Variants in BICRA observed in about 807,000 individuals in gnomAD.
The protein encoded by BICRA is BRD4-interacting chromatin-remodeling complex-associated protein.
A neutral mutation model predicts 96.9 loss-of-function variants in BICRA; 31 were observed. The observed-to-expected ratio is 0.32, with a 90% CI of 0.24 to 0.43. The LOEUF (loss-of-function observed/expected upper bound fraction) is 0.43. Among genes scored for constraint, BICRA ranks in the 20% least tolerant of loss-of-function variants. The pLI is 1.00. For missense variants in BICRA, 2,283 were observed against 2,190.3 expected, an observed-to-expected ratio of 1.04 and a Z score of -0.84; for synonymous variants, 1,350 against 1,071.8, an observed-to-expected ratio of 1.26 and a Z score of -5.07.
rs778607810 is a variant in BICRA, at chr19:47,680,097, C to T, written c.927C>T (p.Gly309=). Reference sequence around the variant, plus strand: ...TCAATGGGAACTCTGTGTTCGGAGGCGCGGGGGCCGCCTCGGCTCCCACCG... The same window carrying T: ...TCAATGGGAACTCTGTGTTCGGAGGTGCGGGGGCCGCCTCGGCTCCCACCG... ...TTLNGNSVFG[G]AGAASAPTGT... The change falls in exon 6 of 15, where the codon GGC becomes GGT. Residue 309 remains glycine, a synonymous_variant. Coordinates refer to ENST00000594866, the MANE Select transcript of BICRA (RefSeq NM_001394372.1). 5.8e-6 allele frequency: 9 copies of T among 1,548,018 alleles called. No individual in the cohort carries two copies. The highest frequency in any genetic ancestry group is 7.8e-6 in the Non-Finnish European group (9 of 1,158,520).
intron 1 of BICRA, among the ~76,000 whole-genome samples, chr19:47,664,895 G>A (rs150826991): frequency 0.016 from 2,307 of 142,638 alleles, 59 homozygotes; most frequent in African/African-American, 0.057. Flanking sequence ...GAATCTTTCC[G>A]TAGGAGCAGG....
At chr19:47,648,683 GT>G (rs1303951301) in intron 1 of BICRA, among the ~76,000 whole-genome samples, 14 of 138,764 alleles carry the variant, frequency 1.0e-4, no homozygotes, top group East Asian at 6.7e-4. Context: ...TTTTTTGTTT[GT>G]TTTTTTTTTT....
chr19:47,694,479 C>A lies in BICRA; in HGVS notation c.2648C>A (p.Ser883Tyr). 1 of 1,378,044 alleles carries A rather than the reference C, an allele frequency of 7.3e-7. No homozygotes were observed. The highest frequency in any genetic ancestry group is 1.0e-6 in the Non-Finnish European group (1 of 972,538). 85.4% of individuals were successfully genotyped at this position (1,378,044 alleles called of 1,614,324 possible). ...CCAGCCCCCCACCTCCCTCCATCCT[C>A]CACCTCCTCTGCTGTGGCCTCCTCC... ...LPPAPHLPPS[S>Y]TSSAVASSSE... The change falls in exon 8 of 15, where the codon TCC becomes TAC. Residue 883 changes from serine to tyrosine, a missense_variant. Coordinates refer to ENST00000594866, the MANE Select transcript of BICRA (RefSeq NM_001394372.1).
chr19:47,632,237 T>C (rs917038490), intron 1 of BICRA, among the ~76,000 whole-genome samples: 14 of 152,240 alleles, frequency 9.2e-5, no homozygotes, highest in Non-Finnish European at 1.9e-4. Flanking sequence ...ATTTAGACTT[T>C]GGTGGCCCCG....
chr19:47,676,063 A>G lies in BICRA; in HGVS notation c.150+147A>G, dbSNP rs1972936001. 3 of 618,606 alleles carry G rather than the reference A, an allele frequency of 4.8e-6. No homozygotes were observed. In the South Asian group the frequency reaches 5.9e-5, roughly 12 times the overall value. 38.3% of individuals were successfully genotyped at this position (618,606 alleles called of 1,614,324 possible). Reference sequence around the variant, plus strand: ...GGGGTGGGCCACCCAGGGTGGCTGGACCACCCTGGCAGTGCAGGAGGGAGC... The same window carrying G: ...GGGGTGGGCCACCCAGGGTGGCTGGGCCACCCTGGCAGTGCAGGAGGGAGC... On this transcript the variant is annotated intron_variant, in intron 5 of 14. Transcript: ENST00000594866.
Position 47,699,871 on chromosome 19 carries a change from T to G in BICRA, c.3595+466T>G, listed in dbSNP as rs1349326170. ...CAGGCAGATCCCAGCTGCCAGAGTTTCCAGAATATTCCCTTAGCCTTTGCC... is the reference window on the plus strand; with the variant it reads ...CAGGCAGATCCCAGCTGCCAGAGTTGCCAGAATATTCCCTTAGCCTTTGCC... On this transcript the variant is annotated intron_variant, in intron 14 of 14. Transcript: ENST00000594866. This position sits in a 1 kb window ranked among gnomAD's most constrained non-coding sequence, Gnocchi z 5.0. 6.1e-6 allele frequency: 1 copy of G among 163,400 alleles called. No homozygotes were observed. Among genetic ancestry groups the G allele is most frequent in the Non-Finnish European group, 1.4e-5 (1 of 73,812 alleles). 10.1% of individuals were successfully genotyped at this position (163,400 alleles called of 1,614,324 possible).
rs1358485778 is a variant in BICRA at position 47,695,240 on chromosome 19, C to T, written c.3077-125C>T. On this transcript the variant is annotated intron_variant, in intron 9 of 14. Transcript: ENST00000594866. ...GAAGGCCAGAGGTGGCAGGGCTGGC[C>T]CCAGATTTGAAGGGCCGGAGGGCCA... 2.5e-5 allele frequency: 19 copies of T among 768,620 alleles called. No homozygotes were observed. In the East Asian group the frequency reaches 5.1e-4, roughly 21 times the overall value. 47.6% of individuals were successfully genotyped at this position (768,620 alleles called of 1,614,324 possible). A position where few individuals can be genotyped will look rare whatever the true frequency, so the allele number is the denominator to read the frequency against.
chr19:47,656,376 C>T (rs1276008347), intron 1 of BICRA, among the ~76,000 whole-genome samples: 1 of 152,186 alleles, frequency 6.6e-6, no homozygotes, highest in Non-Finnish European at 1.5e-5. Context: ...TGAATCAAAA[C>T]TATACATTAA....
At chr19:47,630,687 C>T (rs980964917) in intron 1 of BICRA, among the ~76,000 whole-genome samples, 2 of 152,152 alleles carry the variant, frequency 1.3e-5, no homozygotes, top group African/African-American at 4.8e-5. Flanking sequence ...GTCATGTCCC[C>T]TTTTTGCTAT....
chr19:47,610,615 C>T (rs1238784833), intron 1 of BICRA, among the ~76,000 whole-genome samples: 1 of 141,524 alleles, frequency 7.1e-6, no homozygotes, highest in Non-Finnish European at 1.5e-5. Flanking sequence ...GTCACCCCCC[C>T]CCCACACACA....
chr19:47,655,178 T>C lies in BICRA; in HGVS notation c.-107-15265T>C, dbSNP rs189277742. Among the ~76,000 whole-genome samples the C allele has an allele frequency of 3.8e-3, 574 of 152,278 alleles. 4 individuals carry two copies. Among genetic ancestry groups the C allele is most frequent in the Non-Finnish European group, 5.9e-3 (402 of 68,020 alleles). On this transcript the variant is annotated intron_variant, in intron 1 of 14. Coordinates refer to ENST00000594866, the MANE Select transcript of BICRA (RefSeq NM_001394372.1). ...ATAAACAAGTGTCCTTTTTGTGGTCTAGTTAGTGCCATGTTTTCTATATTT... is the reference window on the plus strand; with the variant it reads ...ATAAACAAGTGTCCTTTTTGTGGTCCAGTTAGTGCCATGTTTTCTATATTT...
chr19:47,695,134 G>A (rs1325799349), intron 9 of BICRA, 54 bp downstream of exon 9: 2 of 1,172,276 alleles, frequency 1.7e-6, no homozygotes, highest in Non-Finnish European at 1.2e-6. Context: ...AGATGGGTGG[G>A]CGGGGCTGAG....
intron 1 of BICRA, among the ~76,000 whole-genome samples, chr19:47,618,231 G>A (rs1289969748): frequency 6.6e-6 from 1 of 152,142 alleles, no homozygotes; most frequent in Non-Finnish European, 1.5e-5. Flanking sequence ...AGCAGGGGAT[G>A]GACCCCTAGG....
intron 2 of BICRA, among the ~76,000 whole-genome samples, chr19:47,672,923 C>T (rs1244945047): frequency 6.6e-6 from 1 of 152,114 alleles, no homozygotes; most frequent in Non-Finnish European, 1.5e-5. Context: ...ATGAGCCCCT[C>T]TCCCTTGCTT....
intron 1 of BICRA, among the ~76,000 whole-genome samples, chr19:47,610,288 C>G (rs1258717651): frequency 6.6e-6 from 1 of 152,214 alleles, no homozygotes. Flanking sequence ...CGGGCGGCCG[C>G]GGGGAGACGA....
intron 11 of BICRA, among the ~76,000 whole-genome samples, chr19:47,697,005 T>C (rs1973354985): frequency 1.6e-5 from 1 of 63,584 alleles, no homozygotes; most frequent in Non-Finnish European, 3.6e-5. Flanking sequence ...TTTTTTGTTT[T>C]GTTTTAGGGG....
At chr19:47,613,635 G>C (rs535361757) in intron 1 of BICRA, among the ~76,000 whole-genome samples, 4 of 152,160 alleles carry the variant, frequency 2.6e-5, no homozygotes, top group Non-Finnish European at 5.9e-5. Flanking sequence ...ATATCCCTCT[G>C]GTTTTTTGTC....
Position 47,698,697 on chromosome 19 carries a change from C to A in BICRA, c.3312C>A (p.Phe1104Leu). Residue 1104 changes from phenylalanine to leucine, a missense_variant, in exon 12 of 15, where the codon TTC becomes TTA. Transcript: ENST00000594866. The surrounding 1 kb of genome is among the most constrained non-coding windows in gnomAD (Gnocchi z 4.8). ...SVLHPDYKTAFPSFEDALHRL... is the reference protein window; with the variant it reads ...SVLHPDYKTALPSFEDALHRL... ...TGCACCCCGACTACAAGACGGCCTT[C>A]CCCTCCTTTGAGGACGCCCTGCATC... is the stretch of plus-strand genomic sequence containing the variant. The A allele has an allele frequency of 6.3e-7, 1 of 1,598,300 alleles. No homozygotes were observed. Among genetic ancestry groups the A allele is most frequent in the Non-Finnish European group, 8.6e-7 (1 of 1,165,708 alleles).
upstream of BICRA, among the ~76,000 whole-genome samples, chr19:47,608,934 A>AT (rs563323203): frequency 0.014 from 1,922 of 134,458 alleles, 24 homozygotes; most frequent in African/African-American, 0.022. Flanking sequence ...ATTAAAAAAA[A>AT]TTTTTTTTTT....
Sources: allele counts gnomAD v4.1 joint callset (sites outside exome capture counted in the v4.1 genomes callset), GRCh38; gene constraint gnomAD v4.1.1; non-coding constraint Gnocchi (gnomAD v3.1); transcripts MANE v1.5; gene names NCBI Gene and HGNC (gene_info 2026-07-23, HGNC 2026-07-21).